EFNB2: variants seen among roughly 807,000 people sequenced by gnomAD.
EFNB2 encodes ephrin B2, also known as ephrin-B2.
A neutral mutation model predicts 32.1 loss-of-function variants in EFNB2; 5 were observed. That is an observed-to-expected ratio of 0.16 (90% CI 0.08 to 0.33). EFNB2 has a LOEUF of 0.33. Among genes scored for constraint, EFNB2 ranks in the 10% least tolerant of loss-of-function variants. The probability of loss-of-function intolerance (pLI) is 1.00; values close to 1 mark genes in which losing one functional copy is unlikely to be tolerated. For missense variants in EFNB2, 263 were observed against 422.6 expected, an observed-to-expected ratio of 0.62 and a Z score of 3.31; for synonymous variants, 168 against 166.5, an observed-to-expected ratio of 1.01 and a Z score of -0.07.
chr13:106,534,780 C>G (rs1240676663), intron 1 of EFNB2, 63 bp downstream of exon 1: 37 of 1,535,286 alleles, frequency 2.4e-5, no homozygotes, highest in Non-Finnish European at 3.2e-5. Context: ...GACCCCTCCT[C>G]CCGCCCGGAC....
chr13:106,527,764 T>C (rs891682096), intron 1 of EFNB2, among the ~76,000 whole-genome samples: 1 of 152,258 alleles, frequency 6.6e-6, no homozygotes, highest in Non-Finnish European at 1.5e-5. Context: ...TCCTTATCTC[T>C]AATACTTCTG....
chr13:106,500,343 A>T (rs1878733263), intron 2 of EFNB2, among the ~76,000 whole-genome samples: 1 of 152,240 alleles, frequency 6.6e-6, no homozygotes, highest in South Asian at 2.1e-4. Flanking sequence ...TGGCACAGAG[A>T]TGTGAAACGG....
chr13:106,523,648 C>G (rs1227194095), intron 1 of EFNB2, among the ~76,000 whole-genome samples: 4 of 152,150 alleles, frequency 2.6e-5, no homozygotes, highest in Non-Finnish European at 5.9e-5. Flanking sequence ...CCAGGACCAC[C>G]AATATTCACC....
intron 1 of EFNB2, among the ~76,000 whole-genome samples, chr13:106,531,460 A>T: frequency 6.6e-6 from 1 of 152,200 alleles, no homozygotes; most frequent in East Asian, 1.9e-4. Flanking sequence ...AACCGACAAG[A>T]TTAACCCAAA....
chr13:106,506,418 T>C (rs1425841742), intron 2 of EFNB2: 1 of 152,248 alleles, frequency 6.6e-6, no homozygotes, highest in Admixed American at 6.5e-5. Flanking sequence ...CCTGTCTGTC[T>C]CTTTTGGGTC....
intron 2 of EFNB2, chr13:106,505,898 T>C (rs1183709163): frequency 2.0e-5 from 3 of 152,218 alleles, no homozygotes; most frequent in Non-Finnish European, 4.4e-5. Context: ...TCATTTAATG[T>C]GAACAGAGTC....
At position 106,534,950 on chromosome 13, in the gene EFNB2, C is replaced by T. The variant is rs1024518449; in HGVS notation, c.15G>A (p.Arg5=). The T allele has an allele frequency of 1.9e-6, 3 of 1,613,278 alleles. No homozygotes were observed. The highest frequency in any genetic ancestry group is 1.7e-6 in the Non-Finnish European group (2 of 1,179,584). MAVR[R]DSVWKYCWGV... ...CCCAGCAGTACTTCCACACGGAGTC[C>T]CTTCTCACAGCCATGGCGAAGCCAC... The change falls in exon 1 of 5, where the codon AGG becomes AGA. Residue 5 remains arginine, a synonymous_variant. Transcript: ENST00000646441.
At chr13:106,532,079 C>CAAAAAAAA (rs1404488142) in intron 1 of EFNB2, among the ~76,000 whole-genome samples, 646 of 41,776 alleles carry the variant, frequency 0.015, 6 homozygotes, top group African/African-American at 0.039. Context: ...AAAAAAAAAC[C>CAAAAAAAA]AAAACTTTAA....
At position 106,495,725 on chromosome 13, in the gene EFNB2, A is replaced by G. The variant is rs770332851; in HGVS notation, c.499+23T>C. 8.1e-6 allele frequency: 13 copies of G among 1,611,292 alleles called. No individual in the cohort carries two copies. In the African/African-American group the frequency reaches 1.1e-4, roughly 13 times the overall value. Reference sequence around the variant, plus strand: ...GGCTACACCAGGTCACAGTGGCGTCATGAAGCAGCAGATGGTCTTTACCTT... The same window carrying G: ...GGCTACACCAGGTCACAGTGGCGTCGTGAAGCAGCAGATGGTCTTTACCTT... On this transcript the variant is annotated intron_variant, in intron 3 of 4. Coordinates refer to ENST00000646441, the MANE Select transcript of EFNB2 (RefSeq NM_004093.4).
At chr13:106,495,986 A>G (rs963449015) in intron 2 of EFNB2, 146 bp from the exon 3 acceptor site, 6 of 742,202 alleles carry the variant, frequency 8.1e-6, no homozygotes, top group Non-Finnish European at 1.3e-5. Context: ...AAGTATGGGG[A>G]TGCTGAAAGC....
intron 2 of EFNB2, among the ~76,000 whole-genome samples, chr13:106,498,469 T>C (rs1008302001): frequency 1.3e-5 from 2 of 152,162 alleles, no homozygotes; most frequent in East Asian, 3.9e-4. Flanking sequence ...TATCAATGCT[T>C]TTGTGCGGAG....
At position 106,490,350 on chromosome 13, in the gene EFNB2, G is replaced by T. The variant is rs1272541768; in HGVS notation, c.*2690C>A. The stretch of plus-strand genomic sequence containing the variant: ...CGGGTGACCAGGGACGATCATACAA[G>T]CAAGGCATTTACAGTAACTTTCCAA... On this transcript the variant is annotated 3_prime_UTR_variant, in exon 5 of 5. Transcript: ENST00000646441. 1 of 152,142 alleles carries T rather than the reference G, an allele frequency of 6.6e-6. No homozygotes were observed. Among genetic ancestry groups the T allele is most frequent in the Non-Finnish European group, 1.5e-5 (1 of 68,028 alleles). The allele number at this position is 152,142 out of a possible 1,614,324, so 9.4% of individuals were successfully genotyped here. A position where few individuals can be genotyped will look rare whatever the true frequency, so the allele number is the denominator to read the frequency against.
At chr13:106,533,725 G>A (rs550687202) in intron 1 of EFNB2, among the ~76,000 whole-genome samples, 2 of 152,124 alleles carry the variant, frequency 1.3e-5, no homozygotes, top group Admixed American at 6.5e-5. Flanking sequence ...CATTGATTTT[G>A]CTTCTGATCT....
chr13:106,523,291 T>G, intron 1 of EFNB2, among the ~76,000 whole-genome samples: 1 of 152,104 alleles, frequency 6.6e-6, no homozygotes, highest in Non-Finnish European at 1.5e-5. Flanking sequence ...CCCCCACAAC[T>G]GTGTACCTTA....
At chr13:106,500,713 TC>T (rs1878749585) in intron 2 of EFNB2, among the ~76,000 whole-genome samples, 1 of 152,244 alleles carries the variant, frequency 6.6e-6, no homozygotes, top group African/African-American at 2.4e-5. Flanking sequence ...TGGGAACTAT[TC>T]TTTTCCAGCA....
chr13:106,503,464 T>A (rs1878850327), intron 2 of EFNB2, among the ~76,000 whole-genome samples: 2 of 152,118 alleles, frequency 1.3e-5, no homozygotes, highest in South Asian at 4.1e-4. Flanking sequence ...GAGTGGCCAA[T>A]GTGGAGAGTC....
At chr13:106,513,504 CTT>C (rs953908937) in intron 1 of EFNB2, among the ~76,000 whole-genome samples, 2 of 151,664 alleles carry the variant, frequency 1.3e-5, no homozygotes, top group Non-Finnish European at 2.9e-5. Flanking sequence ...CCCTATAAAT[CTT>C]TTTTTTTCTT....
At chr13:106,495,329 T>C (rs769087012) in intron 3 of EFNB2, among the ~76,000 whole-genome samples, 1 of 152,210 alleles carries the variant, frequency 6.6e-6, no homozygotes, top group African/African-American at 2.4e-5. Context: ...TTCTGCACAA[T>C]AGGTTATCTA....
Position 106,518,769 on chromosome 13 carries a change from C to G in EFNB2, c.123-5957G>C, listed in dbSNP as rs532134506. ...CACTCCCTGCTTCCCCTCCCACCCA[C>G]GGCCACTCCATTTTCCCTGCTTCTT... On this transcript the variant is annotated intron_variant, in intron 1 of 4. Coordinates refer to ENST00000646441, the MANE Select transcript of EFNB2 (RefSeq NM_004093.4). The surrounding 1 kb of genome is among the most constrained non-coding windows in gnomAD (Gnocchi z 4.1). 1 of 152,308 alleles carries G rather than the reference C, an allele frequency of 6.6e-6. No individual in the cohort carries two copies. Among genetic ancestry groups the G allele is most frequent in the African/African-American group, 2.4e-5 (1 of 41,442 alleles). 9.4% of individuals were successfully genotyped at this position (152,308 alleles called of 1,614,324 possible).
Sources: gnomAD v4.1 joint callset for allele counts (sites outside exome capture counted in the v4.1 genomes callset) on GRCh38, gnomAD v4.1.1 for gene constraint, Gnocchi (gnomAD v3.1) non-coding constraint, MANE v1.5 for transcripts, NCBI Gene and HGNC (gene_info 2026-07-23, HGNC 2026-07-21) for gene names.